The following IKZF2 variants were observed in gnomAD, a reference collection of about 807,000 sequenced individuals.
The protein encoded by IKZF2 is zinc finger protein Helios.
IKZF2 carries 15 observed loss-of-function variants against 49.2 expected under a neutral mutation model. The observed-to-expected ratio is 0.30, with a 90% CI of 0.20 to 0.47. The LOEUF is 0.47. Among genes scored for constraint, IKZF2 ranks in the 20% least tolerant of loss-of-function variants. The pLI is 1.00. For missense variants in IKZF2, 567 were observed against 664.6 expected (o/e 0.85, Z 1.61); for synonymous variants, 227 against 221.4 (o/e 1.03, Z -0.23).
intron 4 of IKZF2, among the ~76,000 whole-genome samples, chr2:213,139,714 G>A (rs1244062065): frequency 6.6e-6 from 1 of 151,982 alleles, no homozygotes; most frequent in Non-Finnish European, 1.5e-5. Flanking sequence ...AACTTGCAAG[G>A]ATGAGTGCCA....
chr2:213,147,848 C>A, intron 3 of IKZF2, 36 bp from the exon 4 acceptor site: 1 of 1,478,206 alleles, frequency 6.8e-7, no homozygotes, highest in South Asian at 1.1e-5. Flanking sequence ...GGTTTCTATT[C>A]ATTGTCACAT....
chr2:213,085,221 G>A (rs1704443498), intron 4 of IKZF2, among the ~76,000 whole-genome samples: 1 of 152,138 alleles, frequency 6.6e-6, no homozygotes. Flanking sequence ...AAAATCGAAA[G>A]GTGAGCTCCT....
At chr2:213,021,628 A>G in intron 7 of IKZF2, 1 of 396,146 alleles carries the variant, frequency 2.5e-6, no homozygotes, top group Non-Finnish European at 4.8e-6. Context: ...TTCAAATTAT[A>G]TGACTGATCA....
intron 4 of IKZF2, among the ~76,000 whole-genome samples, chr2:213,127,640 T>A (rs1024629393): frequency 1.3e-5 from 2 of 152,214 alleles, no homozygotes; most frequent in Admixed American, 6.5e-5. Flanking sequence ...CCTTATTTGA[T>A]CTATATTACA....
intron 7 of IKZF2, among the ~76,000 whole-genome samples, chr2:213,017,206 T>G (rs937394448): frequency 9.9e-5 from 15 of 152,132 alleles, no homozygotes; most frequent in African/African-American, 3.6e-4. Flanking sequence ...TTGGCCTTCT[T>G]GATGTCTCAC....
At chr2:213,132,313 G>A (rs1222445240) in intron 4 of IKZF2, among the ~76,000 whole-genome samples, 2 of 150,024 alleles carry the variant, frequency 1.3e-5, no homozygotes, top group African/African-American at 4.9e-5. Context: ...AGGTGATAAA[G>A]GCATCCAAAA....
At chr2:213,039,048 C>A (rs1247176270) in intron 6 of IKZF2, among the ~76,000 whole-genome samples, 2 of 151,568 alleles carry the variant, frequency 1.3e-5, no homozygotes, top group Admixed American at 6.6e-5. Context: ...ATGAAGAAGA[C>A]CATCTTGTCT....
intron 4 of IKZF2, among the ~76,000 whole-genome samples, chr2:213,140,411 A>G (rs1559325962): frequency 6.6e-6 from 1 of 151,928 alleles, no homozygotes; most frequent in Non-Finnish European, 1.5e-5. Context: ...AAAGTCTTCA[A>G]AAAGGCTCTG....
chr2:213,140,120 G>T (rs557147881), intron 4 of IKZF2, among the ~76,000 whole-genome samples: 9 of 151,978 alleles, frequency 5.9e-5, no homozygotes, highest in African/African-American at 2.2e-4. Context: ...TCTCTCTAAG[G>T]AGTTCTGAAT....
chr2:213,054,202 C>T (rs1038475172), intron 5 of IKZF2, among the ~76,000 whole-genome samples: 3 of 151,894 alleles, frequency 2.0e-5, no homozygotes, highest in Non-Finnish European at 4.4e-5. Context: ...CAAGATTGCA[C>T]CACTACACTC....
chr2:213,112,645 C>T (rs912805687), intron 4 of IKZF2, among the ~76,000 whole-genome samples: 3 of 151,884 alleles, frequency 2.0e-5, no homozygotes, highest in Non-Finnish European at 2.9e-5. Flanking sequence ...CATATTCTAA[C>T]GTTTTCTATT....
intron 4 of IKZF2, among the ~76,000 whole-genome samples, chr2:213,093,456 C>G (rs905517765): frequency 6.6e-6 from 1 of 152,150 alleles, no homozygotes; most frequent in African/African-American, 2.4e-5. Flanking sequence ...CACTCCTTAC[C>G]TCCTCTATAG....
chr2:213,148,716 T>A, intron 2 of IKZF2, 72 bp from the exon 3 acceptor site: 1 of 1,308,412 alleles, frequency 7.6e-7, no homozygotes, highest in Admixed American at 1.7e-5. Context: ...CTTAACTTAT[T>A]TGAAGCTCCA....
intron 4 of IKZF2, among the ~76,000 whole-genome samples, chr2:213,126,276 A>G (rs1340580712): frequency 6.6e-6 from 1 of 151,738 alleles, no homozygotes; most frequent in Non-Finnish European, 1.5e-5. Flanking sequence ...TTCCCCTACC[A>G]CTTTTCCCAT....
chr2:213,135,224 C>G (rs1018959396), intron 4 of IKZF2, among the ~76,000 whole-genome samples: 1 of 152,148 alleles, frequency 6.6e-6, no homozygotes. Flanking sequence ...TATGTTTTAA[C>G]TCATTCTACT....
intron 4 of IKZF2, among the ~76,000 whole-genome samples, chr2:213,083,431 C>T (rs368141381): frequency 2.2e-5 from 3 of 134,364 alleles, no homozygotes; most frequent in African/African-American, 9.6e-5. Flanking sequence ...GCTCTTGTTG[C>T]CCAGGCTGGA....
intron 5 of IKZF2, among the ~76,000 whole-genome samples, chr2:213,053,116 A>G (rs1246399070): frequency 2.6e-5 from 4 of 152,140 alleles, no homozygotes; most frequent in Non-Finnish European, 5.9e-5. Flanking sequence ...CAAATTTACT[A>G]ACTACATTAA....
intron 6 of IKZF2, among the ~76,000 whole-genome samples, chr2:213,027,836 G>GGTCTGAAA (rs1697982403): frequency 6.6e-6 from 1 of 152,002 alleles, no homozygotes; most frequent in South Asian, 2.1e-4. Flanking sequence ...TGTCCTTGAT[G>GGTCTGAAA]TTCTGAAATT....
chr2:213,145,637 C>G (rs1297817716), intron 4 of IKZF2, among the ~76,000 whole-genome samples: 1 of 151,992 alleles, frequency 6.6e-6, no homozygotes, highest in Non-Finnish European at 1.5e-5. Context: ...CTAGATCTAA[C>G]AGAGAGGAAA....
Sources: allele counts gnomAD v4.1 joint callset (sites outside exome capture counted in the v4.1 genomes callset), GRCh38; gene constraint gnomAD v4.1.1; transcripts MANE v1.5; gene names NCBI Gene and HGNC (gene_info 2026-07-23, HGNC 2026-07-21).